ZNF334: variants seen among roughly 807,000 people sequenced by gnomAD.
The protein encoded by ZNF334 is zinc finger protein 334.
A neutral mutation model predicts 12.4 loss-of-function variants in ZNF334; 14 were observed. The observed-to-expected ratio is 1.13, with a 90% confidence interval of 0.74 to 1.76. The LOEUF is 1.76. ZNF334 is among the 40% of genes most tolerant of loss of function. The pLI is 0.00. For missense variants in ZNF334, 797 were observed against 804.5 expected (o/e 0.99, Z 0.11); for synonymous variants, 273 against 269.6 (o/e 1.01, Z -0.12).
At chr20:46,478,416 T>C in the ZNF334 span, among the ~76,000 whole-genome samples, 1 of 152,174 alleles carries the variant, frequency 6.6e-6, no homozygotes, top group Non-Finnish European at 1.5e-5. Flanking sequence ...AGTTATTACC[T>C]AAAGACTTAG....
chr20:46,474,609 T>C, the ZNF334 span: 4 of 150,694 alleles, frequency 2.7e-5, no homozygotes, highest in Non-Finnish European at 5.9e-5. Context: ...AAGTCTTATA[T>C]AGAGGCCTAC....
At chr20:46,482,800 A>G in the ZNF334 span, among the ~76,000 whole-genome samples, 1 of 152,172 alleles carries the variant, frequency 6.6e-6, no homozygotes, top group Non-Finnish European at 1.5e-5. Flanking sequence ...ATGTTTCCGT[A>G]GCAGCACGCA....
the ZNF334 span, among the ~76,000 whole-genome samples, chr20:46,483,820 A>G: frequency 7.2e-5 from 11 of 152,112 alleles, no homozygotes; most frequent in Non-Finnish European, 1.5e-4. Flanking sequence ...AGTCTGTCAC[A>G]TTTTTCCCTT....
chr20:46,501,654 T>A lies in ZNF334; in HGVS notation c.1685A>T (p.His562Leu). 1 of 1,614,210 alleles carries A rather than the reference T, an allele frequency of 6.2e-7. No individual in the cohort carries two copies. Among genetic ancestry groups the A allele is most frequent in the East Asian group, 2.2e-5 (1 of 44,886 alleles). ...TYCRKSALTH[H>L]QRTHTGQRPY... ...TCTCTGTCCTGTGTGTGTTCTCTGA[T>A]GGTGAGTCAGGGCTGACTTCCTGCA... Residue 562 changes from histidine to leucine, a missense_variant, in exon 5 of 5, where the codon CAT becomes CTT. Physicochemically the swap from His to Leu is moderately conservative, Grantham distance 99 (BLOSUM62 -3). Transcript: ENST00000692313.
At chr20:46,493,105 AC>A in the ZNF334 span, among the ~76,000 whole-genome samples, 1,069 of 133,802 alleles carry the variant, frequency 8.0e-3, 7 homozygotes, top group Middle Eastern at 0.019. Context: ...AAAAAAAAAA[AC>A]TGTTAAATGT....
At chr20:46,497,339 T>C (rs1396448826), downstream of ZNF334, among the ~76,000 whole-genome samples, 4 of 152,204 alleles carry the variant, frequency 2.6e-5, no homozygotes, top group African/African-American at 7.2e-5. Flanking sequence ...TTTTAGGATA[T>C]GCAAAGAAAG....
At chr20:46,498,096 G>C (rs1415681553), downstream of ZNF334, among the ~76,000 whole-genome samples, 1 of 152,152 alleles carries the variant, frequency 6.6e-6, no homozygotes, top group Admixed American at 6.5e-5. Flanking sequence ...CTTCTTGAAA[G>C]GGTTGTTTGT....
the ZNF334 span, among the ~76,000 whole-genome samples, chr20:46,483,880 G>C: frequency 6.6e-6 from 1 of 152,246 alleles, no homozygotes; most frequent in African/African-American, 2.4e-5. Flanking sequence ...TAATCTTAAT[G>C]GATTTTTTAA....
At position 46,502,989 on chromosome 20, in the gene ZNF334, C is replaced by A; in HGVS notation, c.350G>T (p.Gly117Val). 1.2e-6 allele frequency: 2 copies of A among 1,613,980 alleles called. No homozygotes were observed. Among genetic ancestry groups the A allele is most frequent in the Non-Finnish European group, 1.7e-6 (2 of 1,179,956 alleles). ...TLITERENVF[G>V]KTLNLGMNSV... ...ATTCATGCCCAGATTAAGTGTTTTC[C>A]CAAATACATTCTCTCTTTCTGTAAT... The change falls in exon 5 of 5, where the codon GGG (glycine) becomes GTG (valine). Residue 117 changes from glycine (G) to valine (V), a missense_variant. Coordinates refer to ENST00000692313, the MANE Select transcript of ZNF334 (RefSeq NM_001353824.2).
At chr20:46,464,615 T>A in the ZNF334 span, 1 of 414,988 alleles carries the variant, frequency 2.4e-6, no homozygotes, top group Non-Finnish European at 4.8e-6. Flanking sequence ...GCTTACATGA[T>A]CACATGACTC....
At chr20:46,480,835 A>T in the ZNF334 span, among the ~76,000 whole-genome samples, 9,218 of 152,146 alleles carry the variant, frequency 0.061, 925 homozygotes, top group African/African-American at 0.21. Flanking sequence ...ACTGGGTGGC[A>T]GGGAAAGTTT....
At chr20:46,506,255 C>A in intron 2 of ZNF334, 1 of 495,184 alleles carries the variant, frequency 2.0e-6, no homozygotes, top group Non-Finnish European at 3.6e-6. Flanking sequence ...TCTCCATGAA[C>A]TGATATGAAG....
chr20:46,478,280 C>T, the ZNF334 span, among the ~76,000 whole-genome samples: 1 of 152,138 alleles, frequency 6.6e-6, no homozygotes, highest in African/African-American at 2.4e-5. Flanking sequence ...ACACAAAAGA[C>T]ATTAATCAGT....
the ZNF334 span, among the ~76,000 whole-genome samples, chr20:46,483,152 G>A: frequency 2.6e-5 from 4 of 152,114 alleles, no homozygotes; most frequent in African/African-American, 4.8e-5. Context: ...TGACTGTCTC[G>A]CCAAAACAAG....
At chr20:46,475,893 A>G in the ZNF334 span, among the ~76,000 whole-genome samples, 3 of 152,198 alleles carry the variant, frequency 2.0e-5, no homozygotes, top group Non-Finnish European at 4.4e-5. Flanking sequence ...TTCCTCTACA[A>G]CCTGGCAATT....
the ZNF334 span, among the ~76,000 whole-genome samples, chr20:46,487,778 C>A: frequency 6.6e-6 from 1 of 152,196 alleles, no homozygotes; most frequent in African/African-American, 2.4e-5. Context: ...TACTTTCTAA[C>A]CAATTGTGTC....
At chr20:46,491,041 T>C in the ZNF334 span, 1 of 152,568 alleles carries the variant, frequency 6.6e-6, no homozygotes, top group Non-Finnish European at 1.5e-5. Flanking sequence ...ATGGTGAAAA[T>C]ACAAGGGGCT....
At chr20:46,476,954 G>A in the ZNF334 span, 271 of 152,334 alleles carry the variant, frequency 1.8e-3, no homozygotes, top group African/African-American at 6.0e-3. Flanking sequence ...TCATTGAAAT[G>A]AGATAATAAA....
chr20:46,478,206 A>G, the ZNF334 span, among the ~76,000 whole-genome samples: 129 of 152,220 alleles, frequency 8.5e-4, no homozygotes, highest in Non-Finnish European at 1.6e-3. Context: ...CACAGCCTTC[A>G]GGAGATCCCA....
Sources: allele counts gnomAD v4.1 joint callset (sites outside exome capture counted in the v4.1 genomes callset), GRCh38; gene constraint gnomAD v4.1.1; transcripts MANE v1.5; gene names NCBI Gene and HGNC (gene_info 2026-07-23, HGNC 2026-07-21).